MAEL: variants seen among roughly 807,000 people sequenced by gnomAD.
MAEL encodes maelstrom spermatogenic transposon silencer.
MAEL carries 46 observed loss-of-function variants against 62.0 expected under a neutral mutation model. That is an observed-to-expected ratio of 0.74 (90% CI 0.59 to 0.95). MAEL has a LOEUF of 0.95. MAEL is among the 40% of genes least tolerant of loss of function. The probability of loss-of-function intolerance (pLI) is 0.00; values close to 1 mark genes in which losing one functional copy is unlikely to be tolerated. For missense variants in MAEL, 497 were observed against 526.8 expected (o/e 0.94, Z 0.55); for synonymous variants, 172 against 175.5 (o/e 0.98, Z 0.16).
At chr1:166,998,249 G>A (rs1055199131) in intron 5 of MAEL, among the ~76,000 whole-genome samples, 4 of 151,962 alleles carry the variant, frequency 2.6e-5, no homozygotes, top group Admixed American at 6.6e-5. Flanking sequence ...CTTTATATTT[G>A]TAAACATGGG....
At chr1:166,978,474 G>A (rs1233303417) in intron 1 of MAEL, among the ~76,000 whole-genome samples, 1 of 152,164 alleles carries the variant, frequency 6.6e-6, no homozygotes, top group Non-Finnish European at 1.5e-5. Context: ...CCATATTGGT[G>A]GTGGGTGATG....
chr1:167,018,305 C>T (rs910768007), intron 10 of MAEL, among the ~76,000 whole-genome samples: 2 of 151,810 alleles, frequency 1.3e-5, no homozygotes, highest in African/African-American at 4.8e-5. Flanking sequence ...TATTTAAGAC[C>T]TGATTTAGGA....
chr1:167,007,585 G>A (rs1041331804), intron 8 of MAEL, among the ~76,000 whole-genome samples: 12 of 139,520 alleles, frequency 8.6e-5, no homozygotes, highest in African/African-American at 3.5e-4. Flanking sequence ...GTGTGTGTGT[G>A]TGTGTGTGTG....
intron 1 of MAEL, among the ~76,000 whole-genome samples, chr1:166,975,885 G>C (rs1056671671): frequency 1.9e-4 from 29 of 152,102 alleles, no homozygotes; most frequent in African/African-American, 6.5e-4. Context: ...CAACCTGAAC[G>C]GGGAGAGAGT....
intron 5 of MAEL, among the ~76,000 whole-genome samples, chr1:167,001,307 C>T (rs564733358): frequency 5.3e-5 from 8 of 152,200 alleles, no homozygotes; most frequent in Admixed American, 1.3e-4. Flanking sequence ...AAATTGGGTT[C>T]GGTGTATACT....
intron 5 of MAEL, among the ~76,000 whole-genome samples, chr1:166,994,844 ATTT>A (rs1352284450): frequency 6.6e-6 from 1 of 151,130 alleles, no homozygotes; most frequent in African/African-American, 2.4e-5. Flanking sequence ...TAATTTTTAT[ATTT>A]TTAGCAGAGA....
At chr1:166,988,143 G>T (rs1339086669), upstream of MAEL, among the ~76,000 whole-genome samples, 2 of 152,012 alleles carry the variant, frequency 1.3e-5, no homozygotes, top group Non-Finnish European at 2.9e-5. Context: ...GAGCCCAGAA[G>T]TGTGAGACCA....
chr1:166,997,368 T>G (rs1664474911), intron 5 of MAEL, among the ~76,000 whole-genome samples: 1 of 152,254 alleles, frequency 6.6e-6, no homozygotes, highest in African/African-American at 2.4e-5. Flanking sequence ...CTCAATATCT[T>G]TCACTCGTTT....
intron 8 of MAEL, among the ~76,000 whole-genome samples, chr1:167,014,917 A>G (rs56093705): frequency 0.41 from 61,641 of 152,030 alleles, 13,672 homozygotes; most frequent in African/African-American, 0.6. Flanking sequence ...CAGCTACTCA[A>G]GAGGCTGAGG....
At chr1:166,976,404 T>C (rs1048702457) in intron 1 of MAEL, among the ~76,000 whole-genome samples, 1 of 152,206 alleles carries the variant, frequency 6.6e-6, no homozygotes, top group African/African-American at 2.4e-5. Context: ...GAGCCTCATC[T>C]TGGGTCGAGG....
Position 166,992,164 on chromosome 1 carries a change from A to G in MAEL, c.326-522A>G, listed in dbSNP as rs547207596. ...TGTTGAACACTGGTAAACTTTTAAC[A>G]GTCTTAAATGTGTCCAGTCTTGGTA... On this transcript the variant is annotated intron_variant, in intron 3 of 11. Transcript: ENST00000367872. Among the ~76,000 whole-genome samples, 29 of 152,290 alleles carry G rather than the reference A, an allele frequency of 1.9e-4. No individual in the cohort carries two copies. The East Asian group carries it at 5.0e-3, about 26-fold the overall frequency.
intron 4 of MAEL, among the ~76,000 whole-genome samples, chr1:166,993,540 T>G (rs530658891): frequency 6.6e-6 from 1 of 152,292 alleles, no homozygotes; most frequent in East Asian, 1.9e-4. Flanking sequence ...TCCCAGCACT[T>G]TTTCCTCATT....
intron 5 of MAEL, among the ~76,000 whole-genome samples, chr1:166,996,189 G>A (rs1040594003): frequency 2.6e-5 from 4 of 152,204 alleles, no homozygotes; most frequent in Admixed American, 6.5e-5. Flanking sequence ...AGCTGATTTG[G>A]AGGAGACCAT....
At chr1:166,999,295 A>C (rs1263705493) in intron 5 of MAEL, among the ~76,000 whole-genome samples, 2 of 152,186 alleles carry the variant, frequency 1.3e-5, no homozygotes, top group East Asian at 3.9e-4. Context: ...TTTATGTACT[A>C]CTCCAGTGAA....
intron 5 of MAEL, among the ~76,000 whole-genome samples, chr1:167,001,189 C>T (rs1212735210): frequency 1.3e-5 from 2 of 152,128 alleles, no homozygotes; most frequent in Non-Finnish European, 2.9e-5. Context: ...TGTTCTCACT[C>T]ATAAATGGGA....
chr1:166,997,220 A>G lies in MAEL; in HGVS notation c.523+3151A>G, dbSNP rs183400878. Reference sequence around the variant, plus strand: ...GTTGAGCTAAACAAACAAAAATCACAAAAAAATCTTGTAATGTTTTAAGAA... The same window carrying G: ...GTTGAGCTAAACAAACAAAAATCACGAAAAAATCTTGTAATGTTTTAAGAA... On this transcript the variant is annotated intron_variant, in intron 5 of 11. Transcript: ENST00000367872. Among the ~76,000 whole-genome samples, 344 of 152,352 alleles carry G rather than the reference A, an allele frequency of 2.3e-3. 3 individuals are homozygous for G. The highest frequency in any genetic ancestry group is 7.9e-3 in the African/African-American group (328 of 41,576).
rs1178969758 is a variant in MAEL at position 167,017,910 on chromosome 1, G to A, written c.992G>A (p.Ser331Asn). ...AHVPLQDYEA[S>N]NSVTPKMVVL... Reference sequence around the variant, plus strand: ...GTACCACTACAAGATTATGAGGCCAGCAATAGTGTGACACCCAAAATGGTT... The same window carrying A: ...GTACCACTACAAGATTATGAGGCCAACAATAGTGTGACACCCAAAATGGTT... Residue 331 changes from serine (S) to asparagine (N), a missense_variant, in exon 10 of 12, where the codon AGC (serine) becomes AAC (asparagine). Ser to Asn is a conservative substitution (Grantham distance 46). Transcript: ENST00000367872. 1 of 1,613,240 alleles carries A rather than the reference G, an allele frequency of 6.2e-7. No individual in the cohort carries two copies. Among genetic ancestry groups the A allele is most frequent in the African/African-American group, 1.3e-5 (1 of 74,868 alleles).
rs76193148 is a variant in MAEL at position 166,996,308 on chromosome 1, T to A, written c.523+2239T>A. On this transcript the variant is annotated intron_variant, in intron 5 of 11. Coordinates refer to ENST00000367872, the MANE Select transcript of MAEL (RefSeq NM_032858.3). ...TCTCAAATACTCCTGTGCTGTCTGA[T>A]CTTTTATGAACTATGAGTGAGAGTA... 8.6e-3 allele frequency among the ~76,000 whole-genome samples: 1,313 copies of A among 152,332 alleles called. 27 individuals carry two copies. Among genetic ancestry groups the A allele is most frequent in the African/African-American group, 0.03 (1,260 of 41,562 alleles).
Position 167,001,583 on chromosome 1 carries a change from A to T in MAEL, c.524-2597A>T, listed in dbSNP as rs1347094843. Among the ~76,000 whole-genome samples the T allele has an allele frequency of 8.5e-5, 13 of 152,308 alleles. No individual in the cohort carries two copies. The South Asian group carries it at 2.5e-3, about 29-fold the overall frequency. On this transcript the variant is annotated intron_variant, in intron 5 of 11. Coordinates refer to ENST00000367872, the MANE Select transcript of MAEL (RefSeq NM_032858.3). ...TATAGTCATAACTTTAGAGTACATAACATTTATATGCACTGGGAAACCAAA... is the reference window on the plus strand; with the variant it reads ...TATAGTCATAACTTTAGAGTACATATCATTTATATGCACTGGGAAACCAAA...
Sources: gnomAD v4.1 joint callset for allele counts (sites outside exome capture counted in the v4.1 genomes callset) on GRCh38, gnomAD v4.1.1 for gene constraint, MANE v1.5 for transcripts, NCBI Gene and HGNC (gene_info 2026-07-23, HGNC 2026-07-21) for gene names.